CRPPA: variants seen among roughly 807,000 people sequenced by gnomAD.
The protein encoded by CRPPA is D-ribitol-5-phosphate cytidylyltransferase.
A neutral mutation model predicts 52.0 loss-of-function variants in CRPPA; 43 were observed. The ratio of observed to expected loss-of-function variants is 0.83; its 90% CI spans 0.65 to 1.07. The LOEUF (loss-of-function observed/expected upper bound fraction) is 1.07, where lower values mean the gene tolerates loss of function less well. Among genes scored for constraint, CRPPA ranks in the 50% least tolerant of loss-of-function variants. The pLI is 0.00. For synonymous variants in CRPPA, 250 were observed against 203.5 expected, an observed-to-expected ratio of 1.23 and a Z score of -1.94; for missense variants, 629 against 551.7, an observed-to-expected ratio of 1.14 and a Z score of -1.40.
intron 9 of CRPPA, among the ~76,000 whole-genome samples, chr7:16,200,778 C>A (rs985535891): frequency 6.6e-6 from 1 of 152,126 alleles, no homozygotes; most frequent in African/African-American, 2.4e-5. Flanking sequence ...TTCCCTTAAG[C>A]AACAATGCAG....
chr7:16,189,806 A>G (rs1180169122), intron 9 of CRPPA, among the ~76,000 whole-genome samples: 1 of 152,192 alleles, frequency 6.6e-6, no homozygotes, highest in Non-Finnish European at 1.5e-5. Context: ...GAAATAGAAT[A>G]CAGACCACAC....
At chr7:16,376,353 C>A in intron 2 of CRPPA, 112 bp from the exon 3 acceptor site, 1 of 1,075,708 alleles carries the variant, frequency 9.3e-7, no homozygotes, top group Non-Finnish European at 1.3e-6. Flanking sequence ...CAACAAGCTA[C>A]CTTAAGAAAA....
chr7:16,167,250 C>T (rs1469595517), intron 9 of CRPPA, among the ~76,000 whole-genome samples: 1 of 152,150 alleles, frequency 6.6e-6, no homozygotes, highest in Non-Finnish European at 1.5e-5. Context: ...TCATCACCAA[C>T]TTCTCCAAAT....
At chr7:16,114,465 C>A (rs926432494) in intron 9 of CRPPA, among the ~76,000 whole-genome samples, 2 of 151,852 alleles carry the variant, frequency 1.3e-5, no homozygotes, top group Non-Finnish European at 2.9e-5. Context: ...TAAGGGCAAA[C>A]TGAAAAAATA....
chr7:16,276,526 A>G (rs1247453071), intron 6 of CRPPA: 4 of 152,218 alleles, frequency 2.6e-5, no homozygotes, highest in South Asian at 2.1e-4. Context: ...ACAAAAAATT[A>G]CTGAATTAAG....
At chr7:16,335,393 CA>C (rs1264365852) in intron 3 of CRPPA, among the ~76,000 whole-genome samples, 1 of 151,990 alleles carries the variant, frequency 6.6e-6, no homozygotes, top group Non-Finnish European at 1.5e-5. Flanking sequence ...ACAAGAAATA[CA>C]GATCTGAAAT....
rs796983459 is a variant in CRPPA, at chr7:16,088,409, T to G, written c.*3286A>C. On this transcript the variant is annotated 3_prime_UTR_variant, in exon 10 of 10. Coordinates refer to ENST00000407010, the MANE Select transcript of CRPPA (RefSeq NM_001101426.4). ...GTAACTGTAAAGTTACCTCTGGATC[T>G]CTCTTTTTTTTTTTTTTTTTTTTTT... The G allele has an allele frequency of 1.8e-5, 2 of 114,150 alleles. No homozygotes were observed. The highest frequency in any genetic ancestry group is 2.7e-5 in the African/African-American group (1 of 37,180). 7.1% of individuals were successfully genotyped at this position (114,150 alleles called of 1,614,324 possible).
intron 2 of CRPPA, among the ~76,000 whole-genome samples, chr7:16,401,037 A>C (rs1010896723): frequency 3.8e-4 from 58 of 152,146 alleles, no homozygotes; most frequent in Middle Eastern, 3.2e-3. Flanking sequence ...TTCATGATAG[A>C]GGCATGACTA....
chr7:16,114,458 G>A (rs144336285), intron 9 of CRPPA, among the ~76,000 whole-genome samples: 1 of 152,046 alleles, frequency 6.6e-6, no homozygotes, highest in African/African-American at 2.4e-5. Context: ...TGGCAACTAA[G>A]GGCAAACTGA....
chr7:16,274,088 C>T (rs944181566), intron 6 of CRPPA, among the ~76,000 whole-genome samples: 3 of 152,070 alleles, frequency 2.0e-5, no homozygotes, highest in East Asian at 1.9e-4. Context: ...CTCGCTCTGT[C>T]GCCCAGGCTG....
rs570445366 is a variant in CRPPA at position 16,292,560 on chromosome 7, A to T, written c.835+8861T>A. On this transcript the variant is annotated intron_variant, in intron 5 of 9. Coordinates refer to ENST00000407010, the MANE Select transcript of CRPPA (RefSeq NM_001101426.4). ...TGAAATTCTGAATGTCAGAGTTTTG[A>T]CTATATCCATCCATCTGCCAGACTC... Among the ~76,000 whole-genome samples, 10 of 152,082 alleles carry T rather than the reference A, an allele frequency of 6.6e-5. No individual in the cohort carries two copies. The East Asian group carries it at 1.7e-3, about 26-fold the overall frequency.
intron 9 of CRPPA, among the ~76,000 whole-genome samples, chr7:16,170,352 C>T (rs754900055): frequency 4.6e-5 from 7 of 152,128 alleles, no homozygotes; most frequent in African/African-American, 1.2e-4. Context: ...AGAATTAAGC[C>T]GCAGACCCTC....
chr7:16,192,945 C>T (rs1781645044), intron 9 of CRPPA, among the ~76,000 whole-genome samples: 1 of 152,142 alleles, frequency 6.6e-6, no homozygotes, highest in South Asian at 2.1e-4. Flanking sequence ...TCTACACAGT[C>T]TTGAATCTGT....
intron 8 of CRPPA, among the ~76,000 whole-genome samples, chr7:16,222,651 TAA>T (rs1782547657): frequency 6.6e-6 from 1 of 152,046 alleles, no homozygotes; most frequent in Non-Finnish European, 1.5e-5. Context: ...TTAAGTAAAT[TAA>T]GTTTTTTAAA....
intron 3 of CRPPA, among the ~76,000 whole-genome samples, chr7:16,328,045 T>C (rs759182002): frequency 6.6e-6 from 1 of 152,230 alleles, no homozygotes; most frequent in Admixed American, 6.5e-5. Flanking sequence ...TCTCCTTTCA[T>C]CATATCTAAT....
At chr7:16,143,306 G>C (rs550693171) in intron 9 of CRPPA, among the ~76,000 whole-genome samples, 1 of 152,250 alleles carries the variant, frequency 6.6e-6, no homozygotes, top group African/African-American at 2.4e-5. Context: ...TTCAGGAAAG[G>C]TTTATCACAA....
chr7:16,107,190 A>C (rs1398723549), intron 9 of CRPPA, among the ~76,000 whole-genome samples: 1 of 152,122 alleles, frequency 6.6e-6, no homozygotes, highest in African/African-American at 2.4e-5. Context: ...AAGGGCCAAA[A>C]AAAAACAAAA....
At chr7:16,169,495 C>T (rs116568948) in intron 9 of CRPPA, among the ~76,000 whole-genome samples, 37 of 152,232 alleles carry the variant, frequency 2.4e-4, no homozygotes, top group African/African-American at 8.9e-4. Context: ...AAGTGATTGT[C>T]CTGTTTTATC....
intron 3 of CRPPA, among the ~76,000 whole-genome samples, chr7:16,338,840 G>C (rs1212409719): frequency 1.4e-5 from 2 of 139,812 alleles, no homozygotes; most frequent in Admixed American, 1.5e-4. Flanking sequence ...TTTTGAGACA[G>C]AGTGCTGCTC....
Sources: allele counts gnomAD v4.1 joint callset (sites outside exome capture counted in the v4.1 genomes callset), GRCh38; gene constraint gnomAD v4.1.1; transcripts MANE v1.5; gene names NCBI Gene and HGNC (gene_info 2026-07-23, HGNC 2026-07-21).